Variants in MARCHF1 observed in about 807,000 individuals in gnomAD.
MARCHF1 encodes the protein membrane associated ring-CH-type finger 1.
MARCHF1 carries 40 observed loss-of-function variants against 54.2 expected under a neutral mutation model. The ratio of observed to expected loss-of-function variants is 0.74; its 90% CI spans 0.57 to 0.96. The LOEUF is 0.96. MARCHF1 is among the 40% of genes least tolerant of loss of function. The probability of loss-of-function intolerance (pLI) is 0.00; values close to 1 mark genes in which losing one functional copy is unlikely to be tolerated. For missense variants in MARCHF1, 586 were observed against 656.5 expected (o/e 0.89, Z 1.17); for synonymous variants, 236 against 236.3 (o/e 1.00, Z 0.01).
At chr4:163,655,474 C>T (rs1368278730) in intron 5 of MARCHF1, among the ~76,000 whole-genome samples, 2 of 151,768 alleles carry the variant, frequency 1.3e-5, no homozygotes, top group East Asian at 1.9e-4. Flanking sequence ...TTTAATACCC[C>T]ACTGTCAATA....
intron 1 of MARCHF1, among the ~76,000 whole-genome samples, chr4:164,201,296 T>C (rs1731446847): frequency 6.6e-6 from 1 of 152,148 alleles, no homozygotes; most frequent in African/African-American, 2.4e-5. Context: ...CTCGGCTCAC[T>C]GCAACCTCCG....
At chr4:163,683,201 T>A (rs563446103) in intron 5 of MARCHF1, among the ~76,000 whole-genome samples, 1 of 152,294 alleles carries the variant, frequency 6.6e-6, no homozygotes, top group South Asian at 2.1e-4. Context: ...AGAGGTTTAA[T>A]GGACTTACAC....
chr4:163,702,583 A>G (rs762566198), intron 4 of MARCHF1, among the ~76,000 whole-genome samples: 5 of 152,162 alleles, frequency 3.3e-5, no homozygotes, highest in Non-Finnish European at 5.9e-5. Context: ...AATTTTTCAC[A>G]CTGAATGGGA....
At chr4:163,628,915 G>A (rs541210299) in intron 5 of MARCHF1, among the ~76,000 whole-genome samples, 1 of 152,110 alleles carries the variant, frequency 6.6e-6, no homozygotes, top group African/African-American at 2.4e-5. Flanking sequence ...ACAAACAAAT[G>A]GAAAAACATT....
At chr4:164,271,688 G>T (rs371607408) in intron 1 of MARCHF1, among the ~76,000 whole-genome samples, 1 of 152,080 alleles carries the variant, frequency 6.6e-6, no homozygotes, top group Non-Finnish European at 1.5e-5. Context: ...ATAGAAATCA[G>T]TTCGAGGTGA....
intron 1 of MARCHF1, among the ~76,000 whole-genome samples, chr4:164,267,910 A>C (rs1733649103): frequency 1.3e-5 from 2 of 151,922 alleles, no homozygotes; most frequent in Non-Finnish European, 1.5e-5. Flanking sequence ...AACTCACACA[A>C]TCTGTGTGGC....
chr4:164,114,760 T>C (rs1369092296), intron 1 of MARCHF1, among the ~76,000 whole-genome samples: 2 of 150,962 alleles, frequency 1.3e-5, no homozygotes, highest in Non-Finnish European at 3.0e-5. Flanking sequence ...ATACAATGTT[T>C]GGAACATTGC....
chr4:163,719,678 C>A (rs1485678097), intron 4 of MARCHF1, among the ~76,000 whole-genome samples: 1 of 151,602 alleles, frequency 6.6e-6, no homozygotes, highest in East Asian at 1.9e-4. Context: ...TTCTCCATAT[C>A]CTCTCCAGCA....
At chr4:164,322,343 C>G (rs1231663390) in intron 1 of MARCHF1, among the ~76,000 whole-genome samples, 1 of 151,868 alleles carries the variant, frequency 6.6e-6, no homozygotes, top group Admixed American at 6.6e-5. Context: ...ACAATATATA[C>G]TAATTTCCTT....
intron 1 of MARCHF1, among the ~76,000 whole-genome samples, chr4:164,169,664 G>A (rs1730472199): frequency 6.6e-6 from 1 of 151,996 alleles, no homozygotes; most frequent in Non-Finnish European, 1.5e-5. Context: ...CAGAAGCAGA[G>A]AGCTTTCAAC....
chr4:163,666,418 C>T (rs960108965), intron 5 of MARCHF1, among the ~76,000 whole-genome samples: 4 of 152,052 alleles, frequency 2.6e-5, no homozygotes, highest in African/African-American at 7.2e-5. Flanking sequence ...CACCCAACCC[C>T]CTCAAAAGTT....
At chr4:164,161,514 T>C (rs1730233685) in intron 1 of MARCHF1, among the ~76,000 whole-genome samples, 1 of 147,770 alleles carries the variant, frequency 6.8e-6, no homozygotes, top group Admixed American at 6.9e-5. Context: ...AATCTTTCCA[T>C]GTGATATCAA....
Position 164,330,032 on chromosome 4 carries a change from C to G in MARCHF1, c.-323+53838G>C, listed in dbSNP as rs527464145. The stretch of plus-strand genomic sequence containing the variant: ...CAAGTTACCAGATAGCATCTGTTCA[C>G]TTTTCCTCTTTTGTTCCAGTATGTC... On this transcript the variant is annotated intron_variant, in intron 1 of 9. Coordinates refer to ENST00000514618, the MANE Select transcript of MARCHF1 (RefSeq NM_001394959.1). 4.6e-5 allele frequency: 7 copies of G among 152,350 alleles called. No individual in the cohort carries two copies. The South Asian group carries it at 1.2e-3, about 27-fold the overall frequency. The allele number at this position is 152,350 out of a possible 1,614,324, so 9.4% of individuals were successfully genotyped here.
At chr4:163,940,479 T>C (rs1031260563) in intron 3 of MARCHF1, among the ~76,000 whole-genome samples, 9 of 152,078 alleles carry the variant, frequency 5.9e-5, no homozygotes, top group Admixed American at 1.3e-4. Flanking sequence ...GTTAAATACA[T>C]GAATACTGTA....
intron 3 of MARCHF1, among the ~76,000 whole-genome samples, chr4:163,883,481 A>G (rs1400721149): frequency 6.6e-6 from 1 of 151,900 alleles, no homozygotes; most frequent in East Asian, 1.9e-4. Flanking sequence ...CTCTTTATTA[A>G]GGAGTCTTAA....
At chr4:163,993,625 C>T (rs1238173501) in intron 2 of MARCHF1, among the ~76,000 whole-genome samples, 2 of 152,192 alleles carry the variant, frequency 1.3e-5, no homozygotes, top group African/African-American at 4.8e-5. Context: ...ATAATTACAG[C>T]ATGCCCTGAA....
intron 2 of MARCHF1, among the ~76,000 whole-genome samples, chr4:164,042,193 C>G (rs1253513371): frequency 2.0e-5 from 3 of 152,146 alleles, no homozygotes; most frequent in Non-Finnish European, 4.4e-5. Context: ...ACCACTCTAC[C>G]TCTCCAGCTT....
chr4:164,212,312 G>T (rs556470652), intron 1 of MARCHF1, among the ~76,000 whole-genome samples: 1 of 152,118 alleles, frequency 6.6e-6, no homozygotes, highest in South Asian at 2.1e-4. Flanking sequence ...TTTCAAGAGA[G>T]AAAAATGAGG....
At position 164,197,531 on chromosome 4, in the gene MARCHF1, G is replaced by T. The variant is rs571268743; in HGVS notation, c.-322-85869C>A. 2.0e-3 allele frequency: 3,222 copies of T among 1,613,422 alleles called. 93 individuals carry two copies. In the South Asian group the frequency reaches 0.034, roughly 17 times the overall value. On this transcript the variant is annotated intron_variant, in intron 1 of 9. Coordinates refer to ENST00000514618, the MANE Select transcript of MARCHF1 (RefSeq NM_001394959.1). ...TCAAGCTTTCTCAACTTTAACTTTGGTAAGTCTGAGATTGAGGTGAGGCCT... is the reference window on the plus strand; with the variant it reads ...TCAAGCTTTCTCAACTTTAACTTTGTTAAGTCTGAGATTGAGGTGAGGCCT...
Sources: allele counts gnomAD v4.1 joint callset (sites outside exome capture counted in the v4.1 genomes callset), GRCh38; gene constraint gnomAD v4.1.1; transcripts MANE v1.5; gene names NCBI Gene and HGNC (gene_info 2026-07-23, HGNC 2026-07-21).